COX15: variants seen among roughly 807,000 people sequenced by gnomAD.
COX15 encodes heme A synthase COX15.
A neutral mutation model predicts 51.9 loss-of-function variants in COX15; 51 were observed. The ratio of observed to expected loss-of-function variants is 0.98; its 90% CI spans 0.78 to 1.24. COX15 has a LOEUF of 1.24. COX15 is among the 50% of genes most tolerant of loss of function. The pLI is 0.00. For missense variants in COX15, 420 were observed against 501.1 expected (o/e 0.84, Z 1.55); for synonymous variants, 188 against 190.5 (o/e 0.99, Z 0.11).
At chr10:99,699,514 T>C in the COX15 span, among the ~76,000 whole-genome samples, 2 of 152,234 alleles carry the variant, frequency 1.3e-5, no homozygotes, top group African/African-American at 4.8e-5. Flanking sequence ...CTTTGAATTG[T>C]TGCGTGTCTC....
At position 99,730,810 on chromosome 10, in the gene COX15, C is replaced by T. The variant is rs138042095; in HGVS notation, c.91-1076G>A. ...GTGCAACGGCTCAAGCCTATAATCC[C>T]AAGGCTTTGGGAGGCCAAGGTGAGA... On this transcript the variant is annotated intron_variant, in intron 1 of 8. Coordinates refer to ENST00000016171, the MANE Select transcript of COX15 (RefSeq NM_078470.6). Among the ~76,000 whole-genome samples, 176 of 152,302 alleles carry T rather than the reference C, an allele frequency of 1.2e-3. 1 individual carries two copies. The highest frequency in any genetic ancestry group is 4.1e-3 in the African/African-American group (170 of 41,570).
the COX15 span, chr10:99,702,386 G>A: frequency 1.1e-5 from 8 of 733,722 alleles, no homozygotes; most frequent in African/African-American, 7.2e-5. Context: ...ACTTAGAGGT[G>A]AGGAAGGTGA....
At chr10:99,724,639 G>C (rs1266001973) in intron 4 of COX15, among the ~76,000 whole-genome samples, 1 of 151,198 alleles carries the variant, frequency 6.6e-6, no homozygotes, top group Non-Finnish European at 1.5e-5. Flanking sequence ...ATTTAGATCA[G>C]AAGTGTCTGA....
At chr10:99,724,811 T>C (rs1590098610) in intron 4 of COX15, among the ~76,000 whole-genome samples, 2 of 151,374 alleles carry the variant, frequency 1.3e-5, no homozygotes, top group African/African-American at 4.9e-5. Context: ...TAAAGGTAAA[T>C]GCTTAAAAAC....
chr10:99,729,696 G>C lies in COX15; in HGVS notation c.129C>G (p.Tyr43Ter). Reference sequence around the variant, plus strand: ...GCAAAGCTACTTCAGAGATGGTGCTGTATTGCCCTGGCCTCAAAGGGCGCC... The same window carrying C: ...GCAAAGCTACTTCAGAGATGGTGCTCTATTGCCCTGGCCTCAAAGGGCGCC... ...CIRRPLRPGQ[Y>*]STISEVALQS... Residue 43 changes from tyrosine (Y) to a stop codon, truncating the protein, a stop_gained, in exon 2 of 9, where the codon TAC becomes TAG. Coordinates refer to ENST00000016171, the MANE Select transcript of COX15 (RefSeq NM_078470.6). LOFTEE classifies it high-confidence loss of function. The C allele has an allele frequency of 6.2e-7, 1 of 1,614,168 alleles. No homozygotes were observed. Among genetic ancestry groups the C allele is most frequent in the Non-Finnish European group, 8.5e-7 (1 of 1,180,038 alleles).
rs1480393514 is a variant in COX15 at position 99,714,648 on chromosome 10, G to T, written c.1172C>A (p.Ser391Tyr). The T allele has an allele frequency of 1.2e-6, 2 of 1,613,998 alleles. No individual in the cohort carries two copies. The highest frequency in any genetic ancestry group is 2.7e-5 in the African/African-American group (2 of 74,928). The change falls in exon 9 of 9, where the codon TCC (serine) becomes TAC (tyrosine). Residue 391 changes from serine (S) to tyrosine (Y), a missense_variant. Coordinates refer to ENST00000016171, the MANE Select transcript of COX15 (RefSeq NM_078470.6). ...TPLAATHQSG[S>Y]LALLTGALWL... ...AAGAGCACCAGTGAGCAAAGCCAAGGAGCCTGACTGGTGAGTGGCGGCCAG... is the reference window on the plus strand; with the variant it reads ...AAGAGCACCAGTGAGCAAAGCCAAGTAGCCTGACTGGTGAGTGGCGGCCAG...
At chr10:99,716,321 G>C (rs199831811) in intron 8 of COX15, 27 bp downstream of exon 8, 50 of 1,501,610 alleles carry the variant, frequency 3.3e-5, no homozygotes, top group Non-Finnish European at 4.6e-5. Context: ...TGGGGATACT[G>C]TCAGAACAAA....
the COX15 span, among the ~76,000 whole-genome samples, chr10:99,700,408 GTGTGTA>G: frequency 0.14 from 1,034 of 7,618 alleles, 25 homozygotes; most frequent in African/African-American, 0.26. Flanking sequence ...GTGTGTGTGT[GTGTGTA>G]TGTGTGTGTG....
the COX15 span, among the ~76,000 whole-genome samples, chr10:99,699,480 T>C: frequency 4.5e-4 from 69 of 152,226 alleles, no homozygotes; most frequent in Non-Finnish European, 9.3e-4. Context: ...TTTCTATCAT[T>C]TTCTGCTTTA....
the COX15 span, chr10:99,705,171 C>A: frequency 6.2e-6 from 1 of 161,390 alleles, no homozygotes; most frequent in Admixed American, 5.7e-5. Context: ...GATCCAAGAT[C>A]TTTGCAGTTC....
intron 1 of COX15, among the ~76,000 whole-genome samples, chr10:99,731,324 G>T (rs2037136762): frequency 6.6e-6 from 1 of 152,172 alleles, no homozygotes; most frequent in Non-Finnish European, 1.5e-5. Context: ...TTTATATAAT[G>T]AGACCATGAT....
Position 99,714,188 on chromosome 10 carries a change from G to T in COX15, c.*399C>A, listed in dbSNP as rs770567516. ...CCTATCCTTTCAATCTTCACCTAAT[G>T]GAAGTGAAGTTAAGATCATAAAGAA... On this transcript the variant is annotated 3_prime_UTR_variant, in exon 9 of 9. Transcript: ENST00000016171. 95 of 1,063,324 alleles carry T rather than the reference G, an allele frequency of 8.9e-5. No homozygotes were observed. The highest frequency in any genetic ancestry group is 1.1e-4 in the Non-Finnish European group (92 of 875,992). The allele number at this position is 1,063,324 out of a possible 1,614,324, so 65.9% of individuals were successfully genotyped here.
chr10:99,721,657 C>T (rs2036773876), intron 5 of COX15, among the ~76,000 whole-genome samples: 1 of 152,080 alleles, frequency 6.6e-6, no homozygotes, highest in Non-Finnish European at 1.5e-5. Flanking sequence ...ATGGCTTACA[C>T]TCTACTATAT....
chr10:99,704,373 T>C, the COX15 span: 3 of 1,365,412 alleles, frequency 2.2e-6, no homozygotes, highest in Non-Finnish European at 3.1e-6. Context: ...ATAACACTAC[T>C]GGGCCTTTCA....
Position 99,712,356 on chromosome 10 carries a change from A to AT in COX15, c.*2230dup. 1.0e-6 allele frequency: 1 copy of AT among 985,432 alleles called. No homozygotes were observed. Among genetic ancestry groups the AT allele is most frequent in the Non-Finnish European group, 1.2e-6 (1 of 829,926 alleles). The allele number at this position is 985,432 out of a possible 1,614,324, so 61.0% of individuals were successfully genotyped here. ...CTCAGACACGTTAAGCCTGCATAAC[A>AT]TTTTTTAAAATCTTGAAATTAGTTC... On this transcript the variant is annotated 3_prime_UTR_variant, in exon 9 of 9. Coordinates refer to ENST00000016171, the MANE Select transcript of COX15 (RefSeq NM_078470.6).
the COX15 span, among the ~76,000 whole-genome samples, chr10:99,694,726 G>A: frequency 8.6e-5 from 13 of 151,762 alleles, no homozygotes; most frequent in African/African-American, 2.4e-4. Context: ...TAGTAGAGAC[G>A]GAGTTTCACC....
chr10:99,727,078 G>C lies in COX15; in HGVS notation c.472C>G (p.Leu158Val). Residue 158 changes from leucine to valine, a missense_variant, in exon 4 of 9, where the codon CTT (leucine) becomes GTT (valine). Transcript: ENST00000016171. ...MEYSHRMWGR[L>V]VGLVYILPAA... ...GGCAGGATGTACACAAGGCCTACAA[G>C]GCGACCCCACATTCGGTGTGAGTAC... 6.2e-7 allele frequency: 1 copy of C among 1,614,168 alleles called. No homozygotes were observed. The highest frequency in any genetic ancestry group is 8.5e-7 in the Non-Finnish European group (1 of 1,180,034).
intron 5 of COX15, among the ~76,000 whole-genome samples, chr10:99,723,387 C>T (rs2036842244): frequency 6.6e-6 from 1 of 152,102 alleles, no homozygotes; most frequent in Non-Finnish European, 1.5e-5. Context: ...GGTGATCTGC[C>T]TGCCTCTGCC....
At chr10:99,698,688 C>G in the COX15 span, 1 of 1,614,202 alleles carries the variant, frequency 6.2e-7, no homozygotes, top group African/African-American at 1.3e-5. Context: ...GCTGAGCCCC[C>G]TGCTGGCTCG....
Sources: allele counts gnomAD v4.1 joint callset (sites outside exome capture counted in the v4.1 genomes callset), GRCh38; gene constraint gnomAD v4.1.1; transcripts MANE v1.5; gene names NCBI Gene and HGNC (gene_info 2026-07-23, HGNC 2026-07-21).